The following LPP variants were observed in gnomAD, a reference collection of about 807,000 sequenced individuals.
LPP encodes the protein LIM domain containing preferred translocation partner in lipoma.
Under a neutral mutation model 60.4 loss-of-function variants are expected in LPP, and 38 were observed. The ratio of observed to expected loss-of-function variants is 0.63; its 90% CI spans 0.49 to 0.83. The LOEUF (loss-of-function observed/expected upper bound fraction) is 0.83. Among genes scored for constraint, LPP ranks in the 40% least tolerant of loss-of-function variants. The pLI is 0.00. For missense variants in LPP, 902 were observed against 783.6 expected (o/e 1.15, Z -1.80); for synonymous variants, 328 against 290.8 (o/e 1.13, Z -1.30).
chr3:188,428,472 G>T (rs1374526530), intron 4 of LPP, among the ~76,000 whole-genome samples: 1 of 151,896 alleles, frequency 6.6e-6, no homozygotes, highest in Non-Finnish European at 1.5e-5. Context: ...GTTTATAGTG[G>T]TTCTCTATCC....
chr3:188,241,665 C>T (rs933848875), intron 2 of LPP, among the ~76,000 whole-genome samples: 3 of 152,114 alleles, frequency 2.0e-5, no homozygotes, highest in African/African-American at 7.2e-5. Context: ...TTCCTTCTCT[C>T]TTCAGACCTA....
rs957743513 is a variant in LPP at position 188,886,981 on chromosome 3, G to A, written c.*12502G>A. On this transcript the variant is annotated 3_prime_UTR_variant, in exon 12 of 12. Coordinates refer to ENST00000617246, the MANE Select transcript of LPP (RefSeq NM_001375462.1). ...GTGGAAACAGGTATTTATCTCTCAT[G>A]CGTGATTCTCTCTTTATATTTCTAT... is the stretch of plus-strand genomic sequence containing the variant. 18 of 231,374 alleles carry A rather than the reference G, an allele frequency of 7.8e-5. No homozygotes were observed. The highest frequency in any genetic ancestry group is 2.6e-5 in the Non-Finnish European group (3 of 117,018). 14.3% of individuals were successfully genotyped at this position (231,374 alleles called of 1,614,324 possible).
intron 2 of LPP, among the ~76,000 whole-genome samples, chr3:188,287,609 G>A (rs896664686): frequency 6.6e-6 from 1 of 152,148 alleles, no homozygotes; most frequent in African/African-American, 2.4e-5. Context: ...TGGCGGAGGT[G>A]GGGTGAGGAG....
At chr3:188,241,667 T>G (rs1724893561) in intron 2 of LPP, among the ~76,000 whole-genome samples, 1 of 152,214 alleles carries the variant, frequency 6.6e-6, no homozygotes, top group African/African-American at 2.4e-5. Context: ...CCTTCTCTCT[T>G]CAGACCTACA....
intron 9 of LPP, among the ~76,000 whole-genome samples, chr3:188,857,843 C>T (rs927650523): frequency 3.3e-5 from 5 of 152,052 alleles, no homozygotes; most frequent in African/African-American, 7.2e-5. Flanking sequence ...AATAGAAATA[C>T]GGTGCTTCAG....
At chr3:188,605,143 T>C (rs1842150239) in intron 6 of LPP, among the ~76,000 whole-genome samples, 1 of 152,162 alleles carries the variant, frequency 6.6e-6, no homozygotes, top group Non-Finnish European at 1.5e-5. Flanking sequence ...GCATTTGCAA[T>C]AAATCACTCT....
chr3:188,481,946 C>G (rs114490960), intron 4 of LPP, among the ~76,000 whole-genome samples: 4,750 of 152,194 alleles, frequency 0.031, 248 homozygotes, highest in African/African-American at 0.11. Flanking sequence ...TGTCCCCACC[C>G]AAATTTCGTC....
At position 188,187,103 on chromosome 3, in the gene LPP, C is replaced by A. The variant is rs192875344; in HGVS notation, c.-190+32851C>A. 8.5e-5 allele frequency among the ~76,000 whole-genome samples: 13 copies of A among 152,228 alleles called. 1 individual carries two copies. The highest frequency in any genetic ancestry group is 2.9e-4 in the African/African-American group (12 of 41,542). On this transcript the variant is annotated intron_variant, in intron 1 of 11. Transcript: ENST00000617246. Reference sequence around the variant, plus strand: ...AACTTGTCAATAATGTTTTAGGTTACCTTTTGCATCTCGAGGGTTTATAAT... The same window carrying A: ...AACTTGTCAATAATGTTTTAGGTTAACTTTTGCATCTCGAGGGTTTATAAT...
At chr3:188,568,207 T>C (rs1233349153) in intron 6 of LPP, 1 of 151,984 alleles carries the variant, frequency 6.6e-6, no homozygotes, top group Non-Finnish European at 1.5e-5. Flanking sequence ...TTTTATGAAA[T>C]TTCAGTAAAC....
At chr3:188,276,306 AGAT>A (rs1739667883) in intron 2 of LPP, among the ~76,000 whole-genome samples, 1 of 152,186 alleles carries the variant, frequency 6.6e-6, no homozygotes, top group Non-Finnish European at 1.5e-5. Flanking sequence ...GCGATGAAGT[AGAT>A]GAAGGTTGTT....
chr3:188,405,212 CT>C (rs1783168474), intron 3 of LPP, among the ~76,000 whole-genome samples: 1 of 152,182 alleles, frequency 6.6e-6, no homozygotes, highest in African/African-American at 2.4e-5. Context: ...CAATATGCCC[CT>C]CTTCCCCTTT....
At chr3:188,547,743 C>T (rs1014414170) in intron 6 of LPP, among the ~76,000 whole-genome samples, 7 of 152,224 alleles carry the variant, frequency 4.6e-5, no homozygotes, top group Non-Finnish European at 5.9e-5. Context: ...TTTGCAAAAT[C>T]CTAGTACATT....
intron 8 of LPP, among the ~76,000 whole-genome samples, chr3:188,733,050 A>C (rs1721217098): frequency 6.6e-6 from 1 of 151,996 alleles, no homozygotes; most frequent in African/African-American, 2.4e-5. Context: ...ACTCAGTGAA[A>C]AAGGGCTGGA....
intron 1 of LPP, among the ~76,000 whole-genome samples, chr3:188,173,551 CAG>C (rs1560081504): frequency 2.0e-5 from 3 of 151,860 alleles, no homozygotes; most frequent in Admixed American, 6.6e-5. Flanking sequence ...ACCTGGGCAG[CAG>C]AGTGACTCCA....
At chr3:188,581,715 T>C (rs947189463) in intron 6 of LPP, among the ~76,000 whole-genome samples, 14 of 152,216 alleles carry the variant, frequency 9.2e-5, no homozygotes, top group Admixed American at 2.6e-4. Context: ...TATCATTGCT[T>C]CGCTCTATTT....
chr3:188,343,449 G>A (rs1035322390), intron 3 of LPP, among the ~76,000 whole-genome samples: 2 of 152,182 alleles, frequency 1.3e-5, no homozygotes, highest in African/African-American at 4.8e-5. Flanking sequence ...AGAAAAGAAT[G>A]TACTGTAGAT....
chr3:188,326,228 G>A (rs758547933), intron 2 of LPP, among the ~76,000 whole-genome samples: 5 of 152,314 alleles, frequency 3.3e-5, no homozygotes, highest in Admixed American at 1.3e-4. Context: ...TTGTGCGCAC[G>A]CTGGTGATGT....
At chr3:188,732,201 C>G (rs1480270308) in intron 8 of LPP, among the ~76,000 whole-genome samples, 1 of 152,128 alleles carries the variant, frequency 6.6e-6, no homozygotes, top group African/African-American at 2.4e-5. Context: ...ATAGGTTCTT[C>G]CTGAGTTAGA....
chr3:188,372,180 T>C (rs1208832083), intron 3 of LPP, among the ~76,000 whole-genome samples: 2 of 152,060 alleles, frequency 1.3e-5, no homozygotes, highest in Non-Finnish European at 2.9e-5. Context: ...TTTTTCAAAA[T>C]TGGCTTGACA....
Sources: allele counts gnomAD v4.1 joint callset (sites outside exome capture counted in the v4.1 genomes callset), GRCh38; gene constraint gnomAD v4.1.1; transcripts MANE v1.5; gene names NCBI Gene and HGNC (gene_info 2026-07-23, HGNC 2026-07-21).